ADCK1: variants seen among roughly 807,000 people sequenced by gnomAD.
ADCK1 encodes the protein aarF domain containing kinase 1, also known as aarF domain-containing protein kinase 1.
A neutral mutation model predicts 52.3 loss-of-function variants in ADCK1; 41 were observed. The ratio of observed to expected loss-of-function variants is 0.78; its 90% CI spans 0.61 to 1.02. The LOEUF is 1.02. Ranked by LOEUF, ADCK1 falls within the 50% of genes least tolerant of loss-of-function variation. The pLI is 0.00. For synonymous variants in ADCK1, 250 were observed against 274.6 expected (o/e 0.91, Z 0.89); for missense variants, 658 against 679.5 (o/e 0.97, Z 0.35).
intron 6 of ADCK1, among the ~76,000 whole-genome samples, chr14:77,903,155 G>A (rs1408994295): frequency 6.6e-6 from 1 of 152,214 alleles, no homozygotes; most frequent in Admixed American, 6.5e-5. Context: ...GGTAAATAAT[G>A]AATATACCAA....
At position 77,934,555 on chromosome 14, in the gene ADCK1, T is replaced by C. The variant is rs1221507131; in HGVS notation, c.*1164T>C. 6.6e-6 allele frequency: 1 copy of C among 152,270 alleles called. No individual in the cohort carries two copies. Among genetic ancestry groups the C allele is most frequent in the Non-Finnish European group, 1.5e-5 (1 of 68,118 alleles). 9.4% of individuals were successfully genotyped at this position (152,270 alleles called of 1,614,324 possible). A position where few individuals can be genotyped will look rare whatever the true frequency, so the allele number is the denominator to read the frequency against. On this transcript the variant is annotated 3_prime_UTR_variant, in exon 11 of 11. Transcript: ENST00000238561. ...GGCTGGGTTTTCACTGGGAAACTTC[T>C]GTGTTTCTACCCCATTGCTTGCTGC... is the stretch of plus-strand genomic sequence containing the variant.
At chr14:77,899,805 C>G (rs568626817) in intron 6 of ADCK1, among the ~76,000 whole-genome samples, 1 of 152,184 alleles carries the variant, frequency 6.6e-6, no homozygotes, top group Non-Finnish European at 1.5e-5. Context: ...CACAGTGGCT[C>G]ACACCTGTAA....
At chr14:77,857,760 A>G (rs575088065) in intron 3 of ADCK1, among the ~76,000 whole-genome samples, 3 of 152,300 alleles carry the variant, frequency 2.0e-5, no homozygotes, top group African/African-American at 7.2e-5. Flanking sequence ...ATGGCCCCCA[A>G]TATGTGTTAT....
intron 5 of ADCK1, among the ~76,000 whole-genome samples, chr14:77,898,221 G>A (rs978844603): frequency 2.0e-5 from 3 of 152,194 alleles, no homozygotes; most frequent in Non-Finnish European, 4.4e-5. Context: ...GATTGATCAC[G>A]CCACTGCATT....
chr14:77,898,305 C>T (rs2083454697), intron 5 of ADCK1, among the ~76,000 whole-genome samples: 1 of 152,076 alleles, frequency 6.6e-6, no homozygotes, highest in Admixed American at 6.5e-5. Flanking sequence ...CTGTGTGCCT[C>T]CCAGAGTTGT....
chr14:77,898,256 C>A (rs111893825), intron 5 of ADCK1, among the ~76,000 whole-genome samples: 4 of 152,150 alleles, frequency 2.6e-5, no homozygotes, highest in African/African-American at 9.7e-5. Context: ...AGAGTGACAT[C>A]TTGTCTAAAC....
intron 4 of ADCK1, among the ~76,000 whole-genome samples, chr14:77,880,563 C>T (rs1334224207): frequency 1.3e-5 from 2 of 152,124 alleles, no homozygotes; most frequent in African/African-American, 2.4e-5. Flanking sequence ...TGAGGGTATT[C>T]CCACCTTGAG....
intron 1 of ADCK1, among the ~76,000 whole-genome samples, chr14:77,801,199 T>A (rs2081102276): frequency 6.6e-6 from 1 of 152,234 alleles, no homozygotes; most frequent in Non-Finnish European, 1.5e-5. Flanking sequence ...AAGTTTCTGA[T>A]TCTGTAAGTC....
intron 7 of ADCK1, among the ~76,000 whole-genome samples, chr14:77,922,852 A>G (rs573540614): frequency 6.6e-6 from 1 of 152,318 alleles, no homozygotes. Context: ...TTGATGATTT[A>G]ATTTGGGGCA....
intron 1 of ADCK1, among the ~76,000 whole-genome samples, chr14:77,815,706 A>G (rs1159823098): frequency 2.0e-5 from 3 of 150,036 alleles, no homozygotes; most frequent in East Asian, 2.0e-4. Context: ...TTTAGTAGAG[A>G]CAAGGTTTCA....
intron 5 of ADCK1, among the ~76,000 whole-genome samples, chr14:77,887,951 CTT>C (rs2083197190): frequency 1.3e-5 from 2 of 152,118 alleles, no homozygotes; most frequent in African/African-American, 4.8e-5. Flanking sequence ...ACTCTGGACT[CTT>C]AGTTTATTCT....
At position 77,923,205 on chromosome 14, in the gene ADCK1, A is replaced by T. The variant is rs2084103046; in HGVS notation, c.859-1252A>T. Reference sequence around the variant, plus strand: ...TGAGAACGTATGGCAAGGGAACCTCATTTTGCCTGGGAGGCCAGGGAGGGC... The same window carrying T: ...TGAGAACGTATGGCAAGGGAACCTCTTTTTGCCTGGGAGGCCAGGGAGGGC... On this transcript the variant is annotated intron_variant, in intron 7 of 10. Transcript: ENST00000238561. This position sits in a 1 kb window ranked among gnomAD's most constrained non-coding sequence, Gnocchi z 4.3. The T allele has an allele frequency of 6.6e-6, 1 of 152,230 alleles. No individual in the cohort carries two copies. The highest frequency in any genetic ancestry group is 1.9e-4 in the East Asian group (1 of 5,194). The allele number at this position is 152,230 out of a possible 1,614,324, so 9.4% of individuals were successfully genotyped here. A position where few individuals can be genotyped will look rare whatever the true frequency, so the allele number is the denominator to read the frequency against.
intron 1 of ADCK1, among the ~76,000 whole-genome samples, chr14:77,803,133 C>T (rs2139982095): frequency 6.6e-6 from 1 of 152,224 alleles, no homozygotes; most frequent in Middle Eastern, 3.4e-3. Context: ...CTATCCATAT[C>T]AGGGACCAGG....
intron 4 of ADCK1, among the ~76,000 whole-genome samples, chr14:77,868,097 C>T (rs1459619920): frequency 6.6e-6 from 1 of 152,186 alleles, no homozygotes. Flanking sequence ...GTTTGTTCAC[C>T]TTCTGTTGTT....
intron 7 of ADCK1, among the ~76,000 whole-genome samples, chr14:77,918,992 A>G (rs2083987902): frequency 6.6e-6 from 1 of 152,224 alleles, no homozygotes; most frequent in Non-Finnish European, 1.5e-5. Context: ...TTAAACGCCC[A>G]TAAACACCTG....
chr14:77,846,935 C>G (rs538557381), intron 3 of ADCK1, among the ~76,000 whole-genome samples: 1 of 151,906 alleles, frequency 6.6e-6, no homozygotes, highest in Non-Finnish European at 1.5e-5. Context: ...TTGAGCCACA[C>G]TGGGTGAAAG....
chr14:77,919,723 T>C (rs1434899427), intron 7 of ADCK1, among the ~76,000 whole-genome samples: 1 of 152,222 alleles, frequency 6.6e-6, no homozygotes, highest in African/African-American at 2.4e-5. Context: ...TGTTCCCTTT[T>C]CACCACATCC....
chr14:77,867,208 C>G (rs1360906278), intron 4 of ADCK1, among the ~76,000 whole-genome samples: 2 of 152,192 alleles, frequency 1.3e-5, no homozygotes, highest in African/African-American at 4.8e-5. Flanking sequence ...CTTTGGCGGT[C>G]TGTAGACTTG....
intron 10 of ADCK1, among the ~76,000 whole-genome samples, chr14:77,931,920 C>G (rs527454777): frequency 6.6e-6 from 1 of 152,218 alleles, no homozygotes; most frequent in Admixed American, 6.5e-5. Context: ...GTCAGGAAGC[C>G]GTGATGTGTA....
Sources: allele counts gnomAD v4.1 joint callset (sites outside exome capture counted in the v4.1 genomes callset), GRCh38; gene constraint gnomAD v4.1.1; non-coding constraint Gnocchi (gnomAD v3.1); transcripts MANE v1.5; gene names NCBI Gene and HGNC (gene_info 2026-07-23, HGNC 2026-07-21).